The following NIM1K variants were observed in gnomAD, a reference collection of about 807,000 sequenced individuals.
NIM1K encodes NIM1 serine/threonine protein kinase, also known as serine/threonine-protein kinase NIM1.
A neutral mutation model predicts 37.1 loss-of-function variants in NIM1K; 35 were observed. The observed-to-expected ratio is 0.94, with a 90% CI of 0.72 to 1.25. NIM1K has a LOEUF of 1.25. Ranked by LOEUF, NIM1K falls within the 50% of genes most tolerant of loss-of-function variation. The pLI is 0.00. For missense variants in NIM1K, 564 were observed against 548.0 expected (o/e 1.03, Z -0.29); for synonymous variants, 234 against 206.6 (o/e 1.13, Z -1.14).
In NIM1K at chr5:43,280,766, G is replaced by C. The variant is rs748319364; in HGVS notation, c.*37G>C. ...CTGCTTGTAACTAACCAAGATGATT[G>C]TTGCTGCTTCTAAATTTTTTTCAAG... On this transcript the variant is annotated 3_prime_UTR_variant, in exon 4 of 4. Transcript: ENST00000326035. The C allele has an allele frequency of 6.7e-7, 1 of 1,494,722 alleles. No individual in the cohort carries two copies. Among genetic ancestry groups the C allele is most frequent in the Admixed American group, 2.3e-5 (1 of 43,820 alleles). 92.6% of individuals were successfully genotyped at this position (1,494,722 alleles called of 1,614,324 possible).
intron 1 of NIM1K, among the ~76,000 whole-genome samples, chr5:43,201,167 T>C (rs1051254578): frequency 5.9e-5 from 9 of 151,336 alleles, no homozygotes; most frequent in Admixed American, 6.6e-5. Flanking sequence ...CCCAGCACTT[T>C]GGGAGGCCAA....
At chr5:43,265,744 C>T (rs1753137361) in intron 2 of NIM1K, among the ~76,000 whole-genome samples, 1 of 152,160 alleles carries the variant, frequency 6.6e-6, no homozygotes, top group East Asian at 1.9e-4. Context: ...GGTTTCTCCC[C>T]ATCTTTGTGG....
At position 43,271,562 on chromosome 5, in the gene NIM1K, G is replaced by A. The variant is rs569270683; in HGVS notation, c.293-5495G>A. On this transcript the variant is annotated intron_variant, in intron 2 of 3. Transcript: ENST00000326035. ...ACATGCAGTTGTAAGAATATGTACA[G>A]AGACCACATGTACCATTTACCCAGT... Among the ~76,000 whole-genome samples the A allele has an allele frequency of 2.0e-4, 31 of 152,250 alleles. No homozygotes were observed. The South Asian group carries it at 2.7e-3, about 13-fold the overall frequency.
Position 43,280,291 on chromosome 5 carries a change from G to C in NIM1K, c.873G>C (p.Pro291=). The change falls in exon 4 of 4, where the codon CCG becomes CCC. Residue 291 remains proline (P), a synonymous_variant. Coordinates refer to ENST00000326035, the MANE Select transcript of NIM1K (RefSeq NM_153361.4). ...KSILEGTYSV[P]PHVSEPCHRL... Reference sequence around the variant, plus strand: ...TCCTCGAGGGCACATACAGTGTACCGCCGCACGTGTCAGAGCCCTGCCACC... The same window carrying C: ...TCCTCGAGGGCACATACAGTGTACCCCCGCACGTGTCAGAGCCCTGCCACC... 1 of 1,614,092 alleles carries C rather than the reference G, an allele frequency of 6.2e-7. No homozygotes were observed. Among genetic ancestry groups the C allele is most frequent in the Non-Finnish European group, 8.5e-7 (1 of 1,180,010 alleles).
At chr5:43,217,709 T>A (rs1027842445) in intron 1 of NIM1K, among the ~76,000 whole-genome samples, 13 of 4,584 alleles carry the variant, frequency 2.8e-3, no homozygotes, top group Non-Finnish European at 7.3e-3. Flanking sequence ...CCTCTGTCTA[T>A]TTTTTTTTTT....
At chr5:43,224,122 C>T (rs991019539) in intron 1 of NIM1K, among the ~76,000 whole-genome samples, 2 of 150,324 alleles carry the variant, frequency 1.3e-5, no homozygotes, top group Non-Finnish European at 3.0e-5. Flanking sequence ...AGGCAGGTCT[C>T]GAACTCCTGG....
intron 2 of NIM1K, among the ~76,000 whole-genome samples, chr5:43,246,902 C>T (rs2112264413): frequency 6.6e-6 from 1 of 152,258 alleles, no homozygotes; most frequent in East Asian, 1.9e-4. Context: ...AAAAAGAACA[C>T]TTTACAGCTC....
chr5:43,212,813 T>G (rs911193346), intron 1 of NIM1K, among the ~76,000 whole-genome samples: 1 of 152,232 alleles, frequency 6.6e-6, no homozygotes, highest in East Asian at 1.9e-4. Context: ...ATTCTCACCA[T>G]GCACTTGGGT....
At chr5:43,270,171 G>T (rs1326668819) in intron 2 of NIM1K, among the ~76,000 whole-genome samples, 1 of 152,222 alleles carries the variant, frequency 6.6e-6, no homozygotes, top group Non-Finnish European at 1.5e-5. Context: ...GGAGGCTAAA[G>T]ATTGGACCCC....
chr5:43,251,444 C>G (rs915277613), intron 2 of NIM1K, among the ~76,000 whole-genome samples: 1 of 152,186 alleles, frequency 6.6e-6, no homozygotes, highest in African/African-American at 2.4e-5. Flanking sequence ...TTGGGAAGCA[C>G]TGACATCATC....
chr5:43,231,932 T>C (rs972843304), intron 1 of NIM1K: 9 of 952,428 alleles, frequency 9.4e-6, no homozygotes, highest in Admixed American at 5.5e-5. Flanking sequence ...CTTCCTCCCT[T>C]CTCTCACCCA....
chr5:43,222,483 C>A (rs1752394345), intron 1 of NIM1K, among the ~76,000 whole-genome samples: 2 of 152,064 alleles, frequency 1.3e-5, no homozygotes, highest in African/African-American at 4.8e-5. Context: ...AATCTTAGCA[C>A]TTTGGGAGGC....
intron 2 of NIM1K, among the ~76,000 whole-genome samples, chr5:43,256,389 G>C (rs1045294689): frequency 2.0e-5 from 3 of 152,204 alleles, no homozygotes; most frequent in Non-Finnish European, 4.4e-5. Flanking sequence ...GAATATTAAA[G>C]AGAAGAGTCA....
chr5:43,259,135 G>A (rs993848314), intron 2 of NIM1K, among the ~76,000 whole-genome samples: 8 of 152,028 alleles, frequency 5.3e-5, no homozygotes, highest in African/African-American at 1.9e-4. Flanking sequence ...TATACACCAC[G>A]TTTTCTTTAC....
intron 2 of NIM1K, among the ~76,000 whole-genome samples, chr5:43,275,047 G>A (rs987056647): frequency 3.3e-5 from 5 of 152,018 alleles, no homozygotes; most frequent in Non-Finnish European, 5.9e-5. Context: ...AATCATTTTC[G>A]TTATACAGTA....
intron 1 of NIM1K, among the ~76,000 whole-genome samples, chr5:43,200,028 A>G (rs940873733): frequency 1.3e-5 from 2 of 151,814 alleles, no homozygotes; most frequent in African/African-American, 4.8e-5. Flanking sequence ...GGCATGTGCC[A>G]TCACGCATGC....
chr5:43,268,643 A>T (rs1753206379), intron 2 of NIM1K, among the ~76,000 whole-genome samples: 1 of 152,218 alleles, frequency 6.6e-6, no homozygotes, highest in African/African-American at 2.4e-5. Flanking sequence ...GGAGTTGCAT[A>T]TCTGTGACCT....
chr5:43,211,651 G>A (rs7709926), intron 1 of NIM1K, among the ~76,000 whole-genome samples: 10,539 of 152,290 alleles, frequency 0.069, 761 homozygotes, highest in African/African-American at 0.19. Flanking sequence ...AGGGGGGTAA[G>A]TGGGAACAGG....
rs533140745 is a variant in NIM1K at position 43,258,956 on chromosome 5, A to G, written c.292+12889A>G. Among the ~76,000 whole-genome samples the G allele has an allele frequency of 9.5e-4, 110 of 115,878 alleles. 1 individual carries two copies. The highest frequency in any genetic ancestry group is 3.5e-3 in the African/African-American group (106 of 30,490). The allele number at this position is 115,878 out of a possible 152,430, so 76.0% of individuals were successfully genotyped here. Reference sequence around the variant, plus strand: ...TACCCCTTCTAAGTCTCCAAAGCCCATGCCTTTTCATACCCATAGCTAAAC... The same window carrying G: ...TACCCCTTCTAAGTCTCCAAAGCCCGTGCCTTTTCATACCCATAGCTAAAC... On this transcript the variant is annotated intron_variant, in intron 2 of 3. Coordinates refer to ENST00000326035, the MANE Select transcript of NIM1K (RefSeq NM_153361.4).
Sources: allele counts gnomAD v4.1 joint callset (sites outside exome capture counted in the v4.1 genomes callset), GRCh38; gene constraint gnomAD v4.1.1; transcripts MANE v1.5; gene names NCBI Gene and HGNC (gene_info 2026-07-23, HGNC 2026-07-21).